The following TRAK1 variants were observed in gnomAD, a reference collection of about 807,000 sequenced individuals.
The protein encoded by TRAK1 is trafficking kinesin-binding protein 1.
TRAK1 carries 33 observed loss-of-function variants against 92.1 expected under a neutral mutation model. The ratio of observed to expected loss-of-function variants is 0.36; its 90% CI spans 0.27 to 0.48. The LOEUF (loss-of-function observed/expected upper bound fraction) is 0.48, where lower values mean the gene tolerates loss of function less well. Among genes scored for constraint, TRAK1 ranks in the 20% least tolerant of loss-of-function variants. The pLI is 0.99. For synonymous variants in TRAK1, 521 were observed against 517.3 expected (o/e 1.01, Z -0.10); for missense variants, 1,123 against 1,257.9 (o/e 0.89, Z 1.62).
At chr3:42,043,425 C>T (rs1576163965) in intron 1 of TRAK1, among the ~76,000 whole-genome samples, 1 of 152,074 alleles carries the variant, frequency 6.6e-6, no homozygotes, top group East Asian at 1.9e-4. Flanking sequence ...TAGTCCCCTC[C>T]TCCTGACCCC....
At chr3:42,078,332 C>T (rs949557860) in intron 1 of TRAK1, among the ~76,000 whole-genome samples, 48 of 152,098 alleles carry the variant, frequency 3.2e-4, no homozygotes, top group Non-Finnish European at 4.4e-4. Flanking sequence ...GGGACTGTGC[C>T]GTGCAGATGG....
At chr3:42,176,238 TAAC>T (rs1410413019) in intron 2 of TRAK1, among the ~76,000 whole-genome samples, 9 of 152,206 alleles carry the variant, frequency 5.9e-5, no homozygotes, top group African/African-American at 9.6e-5. Context: ...ATTTAAAAAA[TAAC>T]AACCTAGTTT....
intron 13 of TRAK1, among the ~76,000 whole-genome samples, chr3:42,206,367 T>G (rs1370227765): frequency 6.6e-6 from 1 of 152,166 alleles, no homozygotes; most frequent in East Asian, 1.9e-4. Context: ...AGCACCCACA[T>G]GAGAATCTAG....
intron 13 of TRAK1, 67 bp from the exon 14 acceptor site, chr3:42,209,700 T>G (rs1708755864): frequency 6.7e-7 from 1 of 1,498,268 alleles, no homozygotes; most frequent in Admixed American, 1.7e-5. Flanking sequence ...ACAGCCATTG[T>G]CTTGGACTTC....
At chr3:42,040,332 G>A (rs1702485342) in intron 1 of TRAK1, among the ~76,000 whole-genome samples, 2 of 152,112 alleles carry the variant, frequency 1.3e-5, no homozygotes, top group Admixed American at 6.5e-5. Flanking sequence ...TCCTTGCAGA[G>A]CAGGGCTAAC....
In TRAK1 at chr3:42,135,948, C is replaced by T. The variant is rs537881657; in HGVS notation, c.286+10334C>T. ...ACACTAGCTGTTCTTACCACCTGCC[C>T]GACTTCCATAGAAACTCGGGGTGGA... On this transcript the variant is annotated intron_variant, in intron 2 of 15. Coordinates refer to ENST00000327628, the MANE Select transcript of TRAK1 (RefSeq NM_001042646.3). Among the ~76,000 whole-genome samples, 26 of 152,284 alleles carry T rather than the reference C, an allele frequency of 1.7e-4. No homozygotes were observed. In the South Asian group the frequency reaches 3.9e-3, roughly 23 times the overall value.
At chr3:42,135,904 A>G (rs1013292140) in intron 2 of TRAK1, among the ~76,000 whole-genome samples, 1 of 152,104 alleles carries the variant, frequency 6.6e-6, no homozygotes, top group Non-Finnish European at 1.5e-5. Context: ...TAGAAACTGA[A>G]CGTGTGCTTG....
intron 14 of TRAK1, among the ~76,000 whole-genome samples, chr3:42,214,686 T>C (rs1709459879): frequency 6.6e-6 from 1 of 152,196 alleles, no homozygotes; most frequent in South Asian, 2.1e-4. Flanking sequence ...AAATAAGTTG[T>C]GCAGAAACCA....
intron 10 of TRAK1, among the ~76,000 whole-genome samples, chr3:42,196,589 G>A (rs1310897778): frequency 1.3e-5 from 2 of 148,452 alleles, no homozygotes; most frequent in Non-Finnish European, 3.0e-5. Context: ...CCAGGCTGGA[G>A]TGCAGTGGTG....
intron 1 of TRAK1, among the ~76,000 whole-genome samples, chr3:42,050,815 G>A (rs1173771295): frequency 2.6e-5 from 4 of 151,900 alleles, no homozygotes; most frequent in East Asian, 1.9e-4. Context: ...GTGCCACCGC[G>A]CCCAGCTAAT....
chr3:42,171,460 C>T (rs529024877), intron 2 of TRAK1, among the ~76,000 whole-genome samples: 2 of 152,260 alleles, frequency 1.3e-5, no homozygotes, highest in South Asian at 4.1e-4. Context: ...TGACACACAC[C>T]ATAGAGACAC....
intron 1 of TRAK1, among the ~76,000 whole-genome samples, chr3:42,038,667 A>T (rs1363527463): frequency 6.6e-6 from 1 of 151,900 alleles, no homozygotes; most frequent in Non-Finnish European, 1.5e-5. Context: ...GGGCGCCTGT[A>T]ATCCCAGCTA....
intron 1 of TRAK1, among the ~76,000 whole-genome samples, chr3:42,034,724 G>A (rs910445395): frequency 6.6e-6 from 1 of 152,090 alleles, no homozygotes; most frequent in Non-Finnish European, 1.5e-5. Context: ...GTGAGCAGGA[G>A]CCACCAGGTG....
intron 10 of TRAK1, among the ~76,000 whole-genome samples, chr3:42,196,709 T>C (rs1378740708): frequency 1.3e-5 from 2 of 151,494 alleles, no homozygotes. Flanking sequence ...GGCTAATTTT[T>C]TTTTTTTTTT....
chr3:42,194,842 G>A lies in TRAK1; in HGVS notation c.1014G>A (p.Glu338=), dbSNP rs1232970958. ...ELEDKYAECM[E]MLHEAQEELK... is the part of the protein sequence containing the mutation. ...AGGACAAGTACGCAGAGTGCATGGA[G>A]ATGCTGCATGAGGCGCAGGAGGAGC... Residue 338 remains glutamate (E), a synonymous_variant, in exon 10 of 16, where the codon GAG becomes GAA. Transcript: ENST00000327628. The A allele has an allele frequency of 6.2e-7, 1 of 1,613,946 alleles. No individual in the cohort carries two copies.
At chr3:42,040,200 T>C (rs1702481123) in intron 1 of TRAK1, among the ~76,000 whole-genome samples, 1 of 152,216 alleles carries the variant, frequency 6.6e-6, no homozygotes, top group Non-Finnish European at 1.5e-5. Context: ...TGAAGTCTTA[T>C]TTATTTATTT....
chr3:42,168,826 ATTG>A (rs1390629080), intron 2 of TRAK1, among the ~76,000 whole-genome samples: 2 of 151,046 alleles, frequency 1.3e-5, no homozygotes, highest in East Asian at 3.9e-4. Flanking sequence ...CTTTTTAAAA[ATTG>A]TTGTTATTTT....
intron 2 of TRAK1, among the ~76,000 whole-genome samples, chr3:42,173,030 C>T (rs903198135): frequency 2.0e-5 from 3 of 152,026 alleles, no homozygotes; most frequent in Non-Finnish European, 4.4e-5. Flanking sequence ...CCTGTAATCC[C>T]AGCTACTTGG....
chr3:42,160,170 G>A, intron 2 of TRAK1: 2 of 1,312,884 alleles, frequency 1.5e-6, no homozygotes, highest in Non-Finnish European at 1.9e-6. Flanking sequence ...GTCCTGCCCG[G>A]GTGATGCTGG....
Sources: gnomAD v4.1 joint callset for allele counts (sites outside exome capture counted in the v4.1 genomes callset) on GRCh38, gnomAD v4.1.1 for gene constraint, MANE v1.5 for transcripts, NCBI Gene and HGNC (gene_info 2026-07-23, HGNC 2026-07-21) for gene names.